The following UVRAG variants were observed in gnomAD, a reference collection of about 807,000 sequenced individuals.
The protein encoded by UVRAG is UV radiation resistance-associated gene protein.
Under a neutral mutation model 78.0 loss-of-function variants are expected in UVRAG, and 19 were observed. The ratio of observed to expected loss-of-function variants is 0.24; its 90% CI spans 0.17 to 0.36. The LOEUF is 0.36. Among genes scored for constraint, UVRAG ranks in the 10% least tolerant of loss-of-function variants. UVRAG has a pLI of 1.00. For synonymous variants in UVRAG, 323 were observed against 324.6 expected, an observed-to-expected ratio of 1.00 and a Z score of 0.05; for missense variants, 740 against 853.8, an observed-to-expected ratio of 0.87 and a Z score of 1.66.
At chr11:75,858,328 T>C (rs1168270675) in intron 2 of UVRAG, among the ~76,000 whole-genome samples, 1 of 152,182 alleles carries the variant, frequency 6.6e-6, no homozygotes, top group African/African-American at 2.4e-5. Flanking sequence ...AATATTCTTA[T>C]TCCTTTCTCT....
At chr11:76,075,172 G>A (rs1414317093) in intron 13 of UVRAG, among the ~76,000 whole-genome samples, 2 of 152,110 alleles carry the variant, frequency 1.3e-5, no homozygotes, top group East Asian at 3.9e-4. Flanking sequence ...TTCCAAGGAT[G>A]TTTTAATAGT....
chr11:75,951,564 T>G (rs898998667), intron 6 of UVRAG, among the ~76,000 whole-genome samples: 1 of 152,152 alleles, frequency 6.6e-6, no homozygotes, highest in Non-Finnish European at 1.5e-5. Flanking sequence ...GTATTTTTAG[T>G]AGACACAGTG....
chr11:75,934,585 T>C (rs756491274), intron 6 of UVRAG, among the ~76,000 whole-genome samples: 7 of 152,194 alleles, frequency 4.6e-5, no homozygotes, highest in Non-Finnish European at 8.8e-5. Context: ...TTACTTATTG[T>C]ATGCCTGTAT....
intron 14 of UVRAG, among the ~76,000 whole-genome samples, chr11:76,122,767 C>T (rs975854097): frequency 2.0e-5 from 3 of 152,176 alleles, no homozygotes; most frequent in African/African-American, 4.8e-5. Flanking sequence ...TTTATAAGAC[C>T]ACTCTGAGGC....
intron 12 of UVRAG, among the ~76,000 whole-genome samples, chr11:76,047,987 G>T (rs937733968): frequency 8.5e-5 from 13 of 152,304 alleles, no homozygotes; most frequent in African/African-American, 2.9e-4. Flanking sequence ...TTAGAAACAG[G>T]TGAAGGTTGT....
chr11:75,991,718 T>C (rs1949609904), intron 8 of UVRAG, among the ~76,000 whole-genome samples: 1 of 152,150 alleles, frequency 6.6e-6, no homozygotes, highest in Non-Finnish European at 1.5e-5. Flanking sequence ...TATTCTAGAA[T>C]ATGGTAAAAA....
intron 9 of UVRAG, among the ~76,000 whole-genome samples, chr11:76,004,325 A>C (rs563863180): frequency 6.6e-6 from 1 of 152,198 alleles, no homozygotes; most frequent in Non-Finnish European, 1.5e-5. Flanking sequence ...CATGAACCCT[A>C]TTCAAGTTTC....
intron 3 of UVRAG, among the ~76,000 whole-genome samples, chr11:75,865,287 C>CAAAAAAAAAAAAA (rs1195072746): frequency 2.2e-5 from 1 of 45,718 alleles, no homozygotes; most frequent in African/African-American, 6.8e-5. Flanking sequence ...AACTCCATCT[C>CAAAAAAAAAAAAA]AAAAAAAAAA....
chr11:75,932,472 G>T (rs1401273550), intron 6 of UVRAG, among the ~76,000 whole-genome samples: 1 of 151,984 alleles, frequency 6.6e-6, no homozygotes, highest in African/African-American at 2.4e-5. Context: ...TTTTAGCAGG[G>T]ATGGGGTTAC....
intron 7 of UVRAG, among the ~76,000 whole-genome samples, chr11:75,981,975 T>C (rs1949404740): frequency 6.6e-6 from 1 of 152,216 alleles, no homozygotes; most frequent in Non-Finnish European, 1.5e-5. Flanking sequence ...TGAAGCATTT[T>C]TATGTTGGCT....
At chr11:76,070,484 ATTTG>A (rs146483050) in intron 13 of UVRAG, among the ~76,000 whole-genome samples, 2,284 of 152,312 alleles carry the variant, frequency 0.015, 56 homozygotes, top group African/African-American at 0.052. Flanking sequence ...GAATATGTTA[ATTTG>A]TTTGACTGCT....
At chr11:75,999,976 A>C (rs974144564) in intron 8 of UVRAG, among the ~76,000 whole-genome samples, 4 of 152,186 alleles carry the variant, frequency 2.6e-5, no homozygotes, top group African/African-American at 9.7e-5. Flanking sequence ...AAGGTAGACT[A>C]TGCTTAATTA....
At chr11:76,091,940 T>A (rs1565157290) in intron 13 of UVRAG, among the ~76,000 whole-genome samples, 1 of 152,158 alleles carries the variant, frequency 6.6e-6, no homozygotes, top group Non-Finnish European at 1.5e-5. Context: ...ACCCATTAAT[T>A]CGTCATTTAC....
chr11:75,966,503 T>G (rs552531484), intron 7 of UVRAG, among the ~76,000 whole-genome samples: 7 of 152,368 alleles, frequency 4.6e-5, no homozygotes, highest in African/African-American at 1.7e-4. Context: ...TCATATCCTT[T>G]TATTCACTAT....
At chr11:76,140,442 G>A (rs189462580) in intron 14 of UVRAG, among the ~76,000 whole-genome samples, 11 of 152,116 alleles carry the variant, frequency 7.2e-5, no homozygotes, top group Non-Finnish European at 1.6e-4. Context: ...CATAGGACAG[G>A]GTTTCTGTTC....
chr11:75,941,901 C>T (rs898317591), intron 6 of UVRAG, among the ~76,000 whole-genome samples: 3 of 152,182 alleles, frequency 2.0e-5, no homozygotes, highest in African/African-American at 7.2e-5. Context: ...AAGGAGGCCT[C>T]TCTCTGCACC....
At chr11:76,133,424 C>T (rs951467160) in intron 14 of UVRAG, among the ~76,000 whole-genome samples, 39 of 152,214 alleles carry the variant, frequency 2.6e-4, no homozygotes, top group African/African-American at 8.9e-4. Context: ...CTTTCCCAAT[C>T]TCTTTTCTGT....
chr11:75,875,307 C>G (rs1259671017), intron 3 of UVRAG, among the ~76,000 whole-genome samples: 1 of 152,146 alleles, frequency 6.6e-6, no homozygotes, highest in Non-Finnish European at 1.5e-5. Context: ...TAGTGTCACA[C>G]TCCCAAGTTT....
chr11:75,986,564 A>G (rs1313389158), intron 8 of UVRAG, among the ~76,000 whole-genome samples: 1 of 152,188 alleles, frequency 6.6e-6, no homozygotes. Flanking sequence ...TAATGATTTT[A>G]ATTATTTGTT....
Sources: allele counts gnomAD v4.1 joint callset (sites outside exome capture counted in the v4.1 genomes callset), GRCh38; gene constraint gnomAD v4.1.1; transcripts MANE v1.5; gene names NCBI Gene and HGNC (gene_info 2026-07-23, HGNC 2026-07-21).